The following NHS variants were observed in gnomAD, a reference collection of about 807,000 sequenced individuals.
NHS encodes NHS actin remodeling regulator.
In NHS, 5 loss-of-function variants were observed where a neutral mutation model predicts 72.5. The ratio of observed to expected loss-of-function variants is 0.07; its 90% CI spans 0.04 to 0.14. The LOEUF (loss-of-function observed/expected upper bound fraction) is 0.14. NHS is among the 10% of genes least tolerant of loss of function. NHS has a pLI of 1.00. For synonymous variants in NHS, 464 were observed against 547.7 expected (o/e 0.85, Z 2.13); for missense variants, 1,072 against 1,355.7 (o/e 0.79, Z 3.29).
At position 17,635,155 on chromosome X, in the gene NHS, T is replaced by C. The variant is rs978856836; in HGVS notation, c.566-52587T>C. The C allele has an allele frequency of 5.2e-5, 16 of 305,205 alleles. No homozygotes were observed. The Admixed American group carries it at 1.1e-3, about 22-fold the overall frequency. The allele number at this position is 305,205 out of a possible 1,213,427, so 25.2% of individuals were successfully genotyped here. On this transcript the variant is annotated intron_variant, in intron 1 of 8. Transcript: ENST00000676302. Reference sequence around the variant, plus strand: ...GCTCCCAGGTTGATGCCTATGCTCCTAACCCCCTGGCCAACTGCAATTGGA... The same window carrying C: ...GCTCCCAGGTTGATGCCTATGCTCCCAACCCCCTGGCCAACTGCAATTGGA...
intron 1 of NHS, among the ~76,000 whole-genome samples, chrX:17,522,132 A>T (rs1248362963): frequency 8.9e-6 from 1 of 112,405 alleles, no homozygotes; most frequent in Non-Finnish European, 1.9e-5. Flanking sequence ...ATGTCCAGCT[A>T]CAAGGGCCAC....
intron 1 of NHS, among the ~76,000 whole-genome samples, chrX:17,538,277 T>G (rs1315281175): frequency 8.9e-6 from 1 of 111,735 alleles, no homozygotes; most frequent in Non-Finnish European, 1.9e-5. Context: ...TCTGTCAGTG[T>G]CTTAGGTTGG....
At chrX:17,456,282 T>A (rs1054110883) in intron 1 of NHS, among the ~76,000 whole-genome samples, 1 of 111,942 alleles carries the variant, frequency 8.9e-6, no homozygotes, top group East Asian at 2.8e-4. Flanking sequence ...GAAGTCCATT[T>A]GTTCATCTAG....
intron 1 of NHS, among the ~76,000 whole-genome samples, chrX:17,415,179 G>T (rs1007401799): frequency 9.0e-6 from 1 of 111,690 alleles, no homozygotes; most frequent in Non-Finnish European, 1.9e-5. Context: ...TTTTGAACTT[G>T]TTCCCTGGGA....
rs746729723 is a variant in NHS, at chrX:17,726,579, G to T, written c.2473G>T (p.Ala825Ser). ...GGCTTCCCCTGGTCTTCCAGATTGT[G>T]CCTGGCAGGACTACTTAGACCACAA... The part of the protein sequence containing the change: ...VGASPGLPDC[A>S]WQDYLDHKRQ... The change falls in exon 7 of 9, where the codon GCC (alanine) becomes TCC (serine). Residue 825 changes from alanine (A) to serine (S), a missense_variant. Physicochemically the swap from Ala to Ser is moderately conservative, Grantham distance 99. Transcript: ENST00000676302. The T allele has an allele frequency of 3.3e-5, 40 of 1,210,519 alleles. No individual in the cohort carries two copies. The highest frequency in any genetic ancestry group is 5.2e-5 in the African/African-American group (3 of 57,321).
rs1293942564 is a variant in NHS at position 17,542,403 on chromosome X, T to C, written c.566-145339T>C. 2.6e-5 allele frequency among the ~76,000 whole-genome samples: 3 copies of C among 113,497 alleles called. No homozygotes were observed. The Admixed American group carries it at 2.8e-4, about 10-fold the overall frequency. On this transcript the variant is annotated intron_variant, in intron 1 of 8. Transcript: ENST00000676302. ...CTTATTCCTTCCTGGCATTGGCCCATGCCAGCAGGAACAAGGACAGTGCCA... is the reference window on the plus strand; with the variant it reads ...CTTATTCCTTCCTGGCATTGGCCCACGCCAGCAGGAACAAGGACAGTGCCA...
Position 17,375,766 on chromosome X carries a change from C to T in NHS, c.9C>T (p.Phe3=). The T allele has an allele frequency of 2.6e-6, 3 of 1,153,553 alleles. No individual in the cohort carries two copies. Among genetic ancestry groups the T allele is most frequent in the East Asian group, 3.3e-5 (1 of 30,679 alleles). MP[F]AKRIVEPQWL... Reference sequence around the variant, plus strand: ...CCGCCTGGCTGCGCGGGATGCCTTTCGCCAAGCGGATCGTGGAGCCGCAAT... The same window carrying T: ...CCGCCTGGCTGCGCGGGATGCCTTTTGCCAAGCGGATCGTGGAGCCGCAAT... The change falls in exon 1 of 9, where the codon TTC becomes TTT. Residue 3 remains phenylalanine, a synonymous_variant. Coordinates refer to ENST00000676302, the MANE Select transcript of NHS (RefSeq NM_001291867.2).
At position 17,666,774 on chromosome X, in the gene NHS, T is replaced by G. The variant is rs150213288; in HGVS notation, c.566-20968T>G. ...GCTCAGTGCTTTAACACAATAAAAG[T>G]TCTCTTCCTTCCTTACACAAAGTCT... On this transcript the variant is annotated intron_variant, in intron 1 of 8. Coordinates refer to ENST00000676302, the MANE Select transcript of NHS (RefSeq NM_001291867.2). Among the ~76,000 whole-genome samples the G allele has an allele frequency of 4.9e-3, 550 of 112,293 alleles. 4 individuals are homozygous for G. The highest frequency in any genetic ancestry group is 0.017 in the African/African-American group (539 of 30,887).
chrX:17,410,307 G>T (rs1026749600), intron 1 of NHS, among the ~76,000 whole-genome samples: 1 of 110,858 alleles, frequency 9.0e-6, no homozygotes, highest in African/African-American at 3.3e-5. Context: ...GTCTGGAAAG[G>T]GGCTGGCTGA....
intron 1 of NHS, among the ~76,000 whole-genome samples, chrX:17,571,876 T>C (rs1457108597): frequency 1.8e-5 from 2 of 112,180 alleles, no homozygotes; most frequent in African/African-American, 6.5e-5. Flanking sequence ...TCTTTGTTCT[T>C]ATTGGTTTCA....
intron 1 of NHS, among the ~76,000 whole-genome samples, chrX:17,601,390 T>C (rs754603448): frequency 1.7e-4 from 19 of 111,836 alleles, no homozygotes; most frequent in African/African-American, 6.2e-4. Context: ...AAGCACAATC[T>C]TGTCAATAAC....
At chrX:17,449,304 G>A (rs2064795921) in intron 1 of NHS, among the ~76,000 whole-genome samples, 1 of 113,201 alleles carries the variant, frequency 8.8e-6, no homozygotes, top group African/African-American at 3.2e-5. Context: ...TGTAGTGTTC[G>A]TGCATTAGGG....
intron 1 of NHS, among the ~76,000 whole-genome samples, chrX:17,449,226 T>C (rs368447478): frequency 6.6e-4 from 75 of 113,494 alleles, no homozygotes; most frequent in African/African-American, 2.4e-3. Flanking sequence ...CATTGCCCCA[T>C]GGCAGTGGGT....
At chrX:17,630,607 G>T (rs1025104791) in intron 1 of NHS, among the ~76,000 whole-genome samples, 1 of 111,188 alleles carries the variant, frequency 9.0e-6, no homozygotes, top group Admixed American at 9.5e-5. Flanking sequence ...GTGCCCCAGA[G>T]ATCTCCGTGG....
intron 1 of NHS, among the ~76,000 whole-genome samples, chrX:17,597,430 C>CTTTT (rs536355888): frequency 1.1e-5 from 1 of 94,701 alleles, no homozygotes; most frequent in African/African-American, 3.8e-5. Context: ...TGGCTATTCT[C>CTTTT]TTTTTTTTTT....
At chrX:17,531,427 C>G (rs1469435636) in intron 1 of NHS, among the ~76,000 whole-genome samples, 1 of 111,718 alleles carries the variant, frequency 9.0e-6, no homozygotes, top group Non-Finnish European at 1.9e-5. Flanking sequence ...TCTACCCTAA[C>G]TACCACCCCT....
intron 1 of NHS, among the ~76,000 whole-genome samples, chrX:17,606,542 A>G (rs1053489061): frequency 8.9e-6 from 1 of 112,258 alleles, no homozygotes; most frequent in African/African-American, 3.2e-5. Context: ...ATTTCCATAA[A>G]AAATGACCCT....
intron 1 of NHS, among the ~76,000 whole-genome samples, chrX:17,452,061 C>A (rs2064807624): frequency 9.0e-6 from 1 of 111,588 alleles, no homozygotes; most frequent in African/African-American, 3.3e-5. Flanking sequence ...CCATGGGAAT[C>A]CATAGGAGAC....
intron 1 of NHS, among the ~76,000 whole-genome samples, chrX:17,475,066 G>T (rs917850127): frequency 8.9e-6 from 1 of 111,773 alleles, no homozygotes; most frequent in Non-Finnish European, 1.9e-5. Context: ...TGGGGGAAGG[G>T]AGGGAAAAAT....
Sources: gnomAD v4.1 joint callset for allele counts (sites outside exome capture counted in the v4.1 genomes callset) on GRCh38, gnomAD v4.1.1 for gene constraint, MANE v1.5 for transcripts, NCBI Gene and HGNC (gene_info 2026-07-23, HGNC 2026-07-21) for gene names.